DNAH3: variants seen among roughly 807,000 people sequenced by gnomAD.
The protein encoded by DNAH3 is dynein axonemal heavy chain 3, also known as axonemal beta dynein heavy chain 3.
DNAH3 carries 332 observed loss-of-function variants against 432.5 expected under a neutral mutation model. The observed-to-expected ratio is 0.77, with a 90% CI of 0.70 to 0.84. The LOEUF (loss-of-function observed/expected upper bound fraction) is 0.84, where lower values mean the gene tolerates loss of function less well. Among genes scored for constraint, DNAH3 ranks in the 40% least tolerant of loss-of-function variants. The pLI, the probability that DNAH3 is intolerant of heterozygous loss-of-function variation, is 0.00. For synonymous variants in DNAH3, 1,956 were observed against 1,900.2 expected (o/e 1.03, Z -0.76); for missense variants, 4,861 against 5,114.0 (o/e 0.95, Z 1.51).
intron 59 of DNAH3, among the ~76,000 whole-genome samples, chr16:20,938,669 CAA>C (rs901953556): frequency 6.8e-4 from 56 of 81,878 alleles, no homozygotes; most frequent in Admixed American, 1.1e-3. Flanking sequence ...GGTGAAAAGG[CAA>C]AAAAAAAAAA....
At chr16:21,007,591 CTATA>C (rs1372986016) in intron 41 of DNAH3, among the ~76,000 whole-genome samples, 1 of 152,120 alleles carries the variant, frequency 6.6e-6, no homozygotes, top group Non-Finnish European at 1.5e-5. Context: ...TATCATCACT[CTATA>C]TATTCTAAAT....
chr16:20,935,747 G>C (rs2083563245), intron 60 of DNAH3, among the ~76,000 whole-genome samples: 2 of 151,744 alleles, frequency 1.3e-5, no homozygotes, highest in East Asian at 3.9e-4. Flanking sequence ...GGAAGCTGAG[G>C]CAGGAGAATC....
intron 1 of DNAH3, among the ~76,000 whole-genome samples, chr16:21,153,144 G>C (rs575088660): frequency 6.6e-6 from 1 of 152,140 alleles, no homozygotes; most frequent in African/African-American, 2.4e-5. Context: ...TCTAACTCAG[G>C]GTTTGTGAAT....
chr16:20,987,430 G>A (rs757697983), exon 47 of DNAH3: 17 of 1,613,846 alleles, frequency 1.1e-5, no homozygotes, highest in Middle Eastern at 1.6e-4. Flanking sequence ...ATCCAAAGCC[G>A]GATACATTTT....
At position 20,987,926 on chromosome 16, in the gene DNAH3, C is replaced by T; in HGVS notation, c.6725+16G>A. 6.2e-7 allele frequency: 1 copy of T among 1,614,184 alleles called. No individual in the cohort carries two copies. The highest frequency in any genetic ancestry group is 8.5e-7 in the Non-Finnish European group (1 of 1,180,032). ...ACCCCCAGCCCACTATCCAGGAAGA[C>T]AGAGAAACCTCTTACCTTAAAAACA... is the stretch of plus-strand genomic sequence containing the variant. On this transcript the variant is annotated intron_variant, in intron 45 of 61. Coordinates refer to ENST00000261383, the Ensembl canonical transcript of DNAH3.
chr16:21,036,646 A>T (rs1400216887), intron 35 of DNAH3, 68 bp downstream of exon 35: 2 of 1,440,874 alleles, frequency 1.4e-6, no homozygotes, highest in Admixed American at 2.0e-5. Context: ...ATCTCCTATA[A>T]GACTTTACTG....
At chr16:21,132,319 A>G (rs757687655) in intron 7 of DNAH3, among the ~76,000 whole-genome samples, 6 of 152,198 alleles carry the variant, frequency 3.9e-5, no homozygotes, top group Non-Finnish European at 8.8e-5. Flanking sequence ...CGGCCAATCA[A>G]AGTTAAGTAA....
In DNAH3 at chr16:21,153,621, A is replaced by G. The variant is rs550493507; in HGVS notation, c.117+5704T>C. ...CTGTTTGGGTTCATGCCGCCTTAAT[A>G]GCTGTAACACTCACGGTGAAGGTCT... On this transcript the variant is annotated intron_variant, in intron 1 of 61. Transcript: ENST00000261383. Among the ~76,000 whole-genome samples, 7 of 152,288 alleles carry G rather than the reference A, an allele frequency of 4.6e-5. No homozygotes were observed. In the South Asian group the frequency reaches 1.4e-3, roughly 32 times the overall value.
At chr16:21,058,974 T>C (rs1362796955) in intron 26 of DNAH3, among the ~76,000 whole-genome samples, 1 of 152,202 alleles carries the variant, frequency 6.6e-6, no homozygotes, top group Non-Finnish European at 1.5e-5. Context: ...CTGCATGTTC[T>C]GCACATGTAT....
chr16:21,071,052 T>A (rs1451501681), intron 21 of DNAH3, among the ~76,000 whole-genome samples: 1 of 151,836 alleles, frequency 6.6e-6, no homozygotes, highest in African/African-American at 2.4e-5. Context: ...GCCTGGATTT[T>A]TTTTTTTAAG....
At chr16:21,023,107 GCCA>G (rs2088339028) in intron 39 of DNAH3, among the ~76,000 whole-genome samples, 1 of 152,050 alleles carries the variant, frequency 6.6e-6, no homozygotes, top group Admixed American at 6.6e-5. Context: ...AAGTAGGAAG[GCCA>G]TCACTAAATA....
intron 29 of DNAH3, among the ~76,000 whole-genome samples, chr16:21,050,933 A>G (rs2152743197): frequency 6.6e-6 from 1 of 152,282 alleles, no homozygotes; most frequent in South Asian, 2.1e-4. Flanking sequence ...TAATCATTTG[A>G]ATATGTCTCT....
At chr16:21,013,420 G>C (rs1177521573) in intron 41 of DNAH3, among the ~76,000 whole-genome samples, 2 of 151,824 alleles carry the variant, frequency 1.3e-5, no homozygotes, top group Non-Finnish European at 2.9e-5. Context: ...AGAGAAGACA[G>C]CACTAATATC....
At chr16:21,054,990 A>G (rs763880095) in intron 27 of DNAH3, among the ~76,000 whole-genome samples, 10 of 152,136 alleles carry the variant, frequency 6.6e-5, no homozygotes, top group Non-Finnish European at 1.5e-4. Flanking sequence ...TGTATATACC[A>G]TAAATCAGAA....
intron 15 of DNAH3, 30 bp from the exon 16 acceptor site, chr16:21,104,624 C>T (rs774034969): frequency 7.5e-7 from 1 of 1,327,526 alleles, no homozygotes; most frequent in African/African-American, 1.4e-5. Context: ...TGCTCCAGGA[C>T]ACTGTTTAGC....
chr16:20,939,369 T>G lies in DNAH3; in HGVS notation c.11654+2032A>C, dbSNP rs561615732. Among the ~76,000 whole-genome samples the G allele has an allele frequency of 5.1e-3, 783 of 152,288 alleles. 5 individuals are homozygous for G. Among genetic ancestry groups the G allele is most frequent in the African/African-American group, 0.017 (715 of 41,574 alleles). Reference sequence around the variant, plus strand: ...GCTTACACCTGTAATCCCAGCACTTTGGGAGGCCAAGGTGGGCGGATCACC... The same window carrying G: ...GCTTACACCTGTAATCCCAGCACTTGGGGAGGCCAAGGTGGGCGGATCACC... On this transcript the variant is annotated intron_variant, in intron 59 of 61. Transcript: ENST00000261383.
intron 56 of DNAH3, among the ~76,000 whole-genome samples, chr16:20,949,189 T>C (rs2084196382): frequency 6.9e-6 from 1 of 144,804 alleles, no homozygotes; most frequent in Admixed American, 7.2e-5. Flanking sequence ...GGGCGGTTAA[T>C]ACTTGAGCTG....
intron 35 of DNAH3, among the ~76,000 whole-genome samples, chr16:21,036,170 C>T (rs2089156113): frequency 6.6e-6 from 1 of 151,982 alleles, no homozygotes; most frequent in African/African-American, 2.4e-5. Flanking sequence ...ACAAAAAGTA[C>T]AAAAATTAGC....
At chr16:21,092,935 A>G (rs2091580523) in intron 18 of DNAH3, among the ~76,000 whole-genome samples, 1 of 152,160 alleles carries the variant, frequency 6.6e-6, no homozygotes, top group Admixed American at 6.5e-5. Context: ...GTGGCTGGGT[A>G]TGGTGGCTCA....
Sources: gnomAD v4.1 joint callset for allele counts (sites outside exome capture counted in the v4.1 genomes callset) on GRCh38, gnomAD v4.1.1 for gene constraint, MANE v1.5 for transcripts, NCBI Gene and HGNC (gene_info 2026-07-23, HGNC 2026-07-21) for gene names.